CNIH3: variants seen among roughly 807,000 people sequenced by gnomAD.
The protein encoded by CNIH3 is protein cornichon homolog 3.
Under a neutral mutation model 24.1 loss-of-function variants are expected in CNIH3, and 14 were observed. The observed-to-expected ratio is 0.58, with a 90% CI of 0.38 to 0.91. CNIH3 has a LOEUF of 0.91. Among genes scored for constraint, CNIH3 ranks in the 40% least tolerant of loss-of-function variants. The pLI, the probability that CNIH3 is intolerant of heterozygous loss-of-function variation, is 0.00. For synonymous variants in CNIH3, 68 were observed against 73.8 expected (o/e 0.92, Z 0.40); for missense variants, 178 against 196.8 (o/e 0.90, Z 0.57).
At chr1:224,532,935 T>A (rs1679130636) in intron 2 of CNIH3, among the ~76,000 whole-genome samples, 1 of 152,188 alleles carries the variant, frequency 6.6e-6, no homozygotes, top group Admixed American at 6.5e-5. Context: ...TCAGGAAGAT[T>A]CAGTAGAGAA....
intron 1 of CNIH3, among the ~76,000 whole-genome samples, chr1:224,450,541 A>G (rs1461211394): frequency 6.6e-6 from 1 of 152,216 alleles, no homozygotes; most frequent in East Asian, 1.9e-4. Flanking sequence ...GAACGAACTG[A>G]CTTTTAGAAT....
intron 1 of CNIH3, among the ~76,000 whole-genome samples, chr1:224,444,745 A>G (rs1331445536): frequency 6.6e-6 from 1 of 152,078 alleles, no homozygotes; most frequent in Non-Finnish European, 1.5e-5. Context: ...CCCGGGTTCA[A>G]GCAATTCTCC....
intron 3 of CNIH3, among the ~76,000 whole-genome samples, chr1:224,600,380 C>T (rs780883413): frequency 5.3e-5 from 8 of 152,138 alleles, no homozygotes; most frequent in South Asian, 2.1e-4. Flanking sequence ...TTAGTAGAGA[C>T]GGTGTTTCTC....
intron 2 of CNIH3, among the ~76,000 whole-genome samples, chr1:224,521,841 C>T (rs954805178): frequency 6.6e-6 from 1 of 152,104 alleles, no homozygotes; most frequent in African/African-American, 2.4e-5. Flanking sequence ...TCCCTCATCC[C>T]CCACCTTATT....
At chr1:224,735,202 G>A (rs572737754) in intron 5 of CNIH3, among the ~76,000 whole-genome samples, 17 of 152,214 alleles carry the variant, frequency 1.1e-4, no homozygotes, top group African/African-American at 3.1e-4. Context: ...ATTTTGTGTC[G>A]CTAAATGCTT....
chr1:224,463,773 ATTTTTTTTT>A (rs56137320), intron 1 of CNIH3, among the ~76,000 whole-genome samples: 10 of 20,706 alleles, frequency 4.8e-4, no homozygotes, highest in African/African-American at 1.8e-3. Flanking sequence ...AATTGTCCTC[ATTTTTTTTT>A]TTTTTTTTTT....
At chr1:224,554,101 C>T (rs74146386) in intron 3 of CNIH3, among the ~76,000 whole-genome samples, 2,709 of 152,238 alleles carry the variant, frequency 0.018, 90 homozygotes, top group African/African-American at 0.061. Context: ...CCATTCTGAA[C>T]GTAATGCCTG....
intron 3 of CNIH3, among the ~76,000 whole-genome samples, chr1:224,716,556 A>G (rs75670070): frequency 0.08 from 12,188 of 152,088 alleles, 541 homozygotes; most frequent in East Asian, 0.13. Context: ...GCTGAGGGAG[A>G]TGCATGGAGG....
chr1:224,586,200 A>G lies in CNIH3; in HGVS notation n.621-2161A>G, dbSNP rs1324548024. 4.6e-5 allele frequency among the ~76,000 whole-genome samples: 7 copies of G among 152,330 alleles called. No individual in the cohort carries two copies. The East Asian group carries it at 1.2e-3, about 25-fold the overall frequency. On this transcript the variant is annotated intron_variant and non_coding_transcript_variant, in intron 5 of 5. Transcript: ENST00000471578. ...GACTTTGGGAACTTTAGGGCTATGT[A>G]TTAGCCCGTTTTCATGCTGCTGTTA... is the stretch of plus-strand genomic sequence containing the variant.
chr1:224,677,498 A>G (rs576326590), intron 1 of CNIH3, among the ~76,000 whole-genome samples: 139 of 152,316 alleles, frequency 9.1e-4, no homozygotes, highest in African/African-American at 3.2e-3. Flanking sequence ...CTTTGTCCTC[A>G]TGGGTGCACT....
At chr1:224,654,456 T>G (rs1201806552) in intron 1 of CNIH3, among the ~76,000 whole-genome samples, 3 of 152,144 alleles carry the variant, frequency 2.0e-5, no homozygotes, top group African/African-American at 7.2e-5. Context: ...AGAGTTGGGT[T>G]TTGTTTGTTT....
intron 3 of CNIH3, among the ~76,000 whole-genome samples, chr1:224,714,471 C>G (rs546712856): frequency 8.6e-4 from 131 of 152,294 alleles, no homozygotes; most frequent in African/African-American, 3.1e-3. Flanking sequence ...TTCAAGGGAG[C>G]AAATATGCAC....
intron 2 of CNIH3, among the ~76,000 whole-genome samples, chr1:224,533,585 C>T (rs915034736): frequency 1.3e-5 from 2 of 152,080 alleles, no homozygotes; most frequent in Non-Finnish European, 2.9e-5. Flanking sequence ...CTCTCTGAAG[C>T]CTCGAGGGGA....
chr1:224,579,477 C>T (rs1382153690), intron 4 of CNIH3, among the ~76,000 whole-genome samples: 1 of 152,180 alleles, frequency 6.6e-6, no homozygotes, highest in East Asian at 1.9e-4. Flanking sequence ...GTATTGGGAT[C>T]TGATTCTGCA....
chr1:224,734,850 T>C (rs1689514043), intron 5 of CNIH3, 144 bp downstream of exon 5: 2 of 845,654 alleles, frequency 2.4e-6, no homozygotes, highest in Non-Finnish European at 3.8e-6. Context: ...GCTGTCTGAC[T>C]CTGGCTCAGG....
At chr1:224,590,178 T>C (rs1371251064), downstream of CNIH3, among the ~76,000 whole-genome samples, 1 of 152,196 alleles carries the variant, frequency 6.6e-6, no homozygotes, top group African/African-American at 2.4e-5. Context: ...CCAGCTGATA[T>C]CCACTTTTAA....
At chr1:224,577,637 A>G (rs142813985) in intron 4 of CNIH3, among the ~76,000 whole-genome samples, 1,853 of 152,336 alleles carry the variant, frequency 0.012, 19 homozygotes, top group Middle Eastern at 0.044. Flanking sequence ...TACAACCACT[A>G]TGGAAAACAG....
At chr1:224,526,634 T>C (rs1177688897) in intron 2 of CNIH3, among the ~76,000 whole-genome samples, 1 of 152,192 alleles carries the variant, frequency 6.6e-6, no homozygotes, top group Non-Finnish European at 1.5e-5. Flanking sequence ...CATTGAGAAA[T>C]AAATTTTTGT....
intron 1 of CNIH3, among the ~76,000 whole-genome samples, chr1:224,509,881 C>T (rs1572385762): frequency 1.3e-5 from 2 of 152,310 alleles, no homozygotes; most frequent in African/African-American, 4.8e-5. Flanking sequence ...TCAGTGTCTC[C>T]CAGGGGCGAG....
Sources: allele counts gnomAD v4.1 joint callset (sites outside exome capture counted in the v4.1 genomes callset), GRCh38; gene constraint gnomAD v4.1.1; transcripts MANE v1.5; gene names NCBI Gene and HGNC (gene_info 2026-07-23, HGNC 2026-07-21).